Variants in PTBP3 observed in about 807,000 individuals in gnomAD.
The protein encoded by PTBP3 is polypyrimidine tract binding protein 3, also known as polypyrimidine tract-binding protein 3.
A neutral mutation model predicts 58.7 loss-of-function variants in PTBP3; 20 were observed. The observed-to-expected ratio is 0.34, with a 90% CI of 0.24 to 0.50. The LOEUF (loss-of-function observed/expected upper bound fraction) is 0.50. PTBP3 is among the 20% of genes least tolerant of loss of function. The pLI is 0.98. For missense variants in PTBP3, 509 were observed against 637.2 expected, an observed-to-expected ratio of 0.80 and a Z score of 2.17; for synonymous variants, 185 against 219.8, an observed-to-expected ratio of 0.84 and a Z score of 1.40.
intron 3 of PTBP3, among the ~76,000 whole-genome samples, chr9:112,268,476 C>T (rs543503373): frequency 1.3e-5 from 2 of 152,168 alleles, no homozygotes; most frequent in East Asian, 3.9e-4. Flanking sequence ...GGGAGGACTG[C>T]TTGAGCCCAG....
chr9:112,372,407 G>A, the PTBP3 span, among the ~76,000 whole-genome samples: 5 of 152,210 alleles, frequency 3.3e-5, no homozygotes, highest in African/African-American at 9.6e-5. Flanking sequence ...TTAAAAAAAC[G>A]AGGTGGAATT....
the PTBP3 span, among the ~76,000 whole-genome samples, chr9:112,377,466 T>C: frequency 6.6e-6 from 1 of 152,240 alleles, no homozygotes; most frequent in Non-Finnish European, 1.5e-5. Context: ...AAGATCATGC[T>C]GCTGAGGATC....
At chr9:112,291,093 G>A (rs1009081453) in intron 2 of PTBP3, among the ~76,000 whole-genome samples, 4 of 152,104 alleles carry the variant, frequency 2.6e-5, no homozygotes, top group Admixed American at 2.0e-4. Flanking sequence ...ATGGTGGCGG[G>A]CGCCTGTAGT....
intron 2 of PTBP3, among the ~76,000 whole-genome samples, chr9:112,277,933 TAACATAACATAATATAACATAAC>T (rs1564427560): frequency 0.02 from 1,995 of 97,708 alleles, 13 homozygotes; most frequent in African/African-American, 0.027. Context: ...TAACATAACA[TAACATAACATAATATAACATAAC>T]ATAACATAAC....
At chr9:112,269,948 CTTT>C (rs111363648) in intron 3 of PTBP3, among the ~76,000 whole-genome samples, 1 of 143,008 alleles carries the variant, frequency 7.0e-6, no homozygotes, top group African/African-American at 2.6e-5. Context: ...TCCAAATCTT[CTTT>C]TTTTTTTTTT....
At chr9:112,350,987 G>T in the PTBP3 span, among the ~76,000 whole-genome samples, 1 of 151,834 alleles carries the variant, frequency 6.6e-6, no homozygotes, top group African/African-American at 2.4e-5. Flanking sequence ...TTAGTACCAT[G>T]TTGGCCAGCC....
chr9:112,360,637 T>G, the PTBP3 span, among the ~76,000 whole-genome samples: 70 of 152,208 alleles, frequency 4.6e-4, no homozygotes, highest in Non-Finnish European at 8.7e-4. Flanking sequence ...GACCATCAAT[T>G]TGTAACATTA....
intron 1 of PTBP3, among the ~76,000 whole-genome samples, chr9:112,320,740 T>TAC (rs1273600261): frequency 2.0e-5 from 3 of 152,170 alleles, no homozygotes; most frequent in African/African-American, 7.2e-5. Flanking sequence ...CAGACCCACT[T>TAC]ACGTATGGTA....
chr9:112,277,883 T>TCTC (rs1158764696), intron 2 of PTBP3, among the ~76,000 whole-genome samples: 4 of 23,914 alleles, frequency 1.7e-4, no homozygotes, highest in East Asian at 8.0e-4. Context: ...CAAAATAACG[T>TCTC]AACATAACAT....
At chr9:112,258,549 T>C (rs2132113263) in intron 5 of PTBP3, among the ~76,000 whole-genome samples, 1 of 152,268 alleles carries the variant, frequency 6.6e-6, no homozygotes, top group African/African-American at 2.4e-5. Flanking sequence ...CCCAAATCTT[T>C]TTTTGTCTTT....
intron 4 of PTBP3, among the ~76,000 whole-genome samples, chr9:112,265,430 C>T (rs1293371916): frequency 1.0e-5 from 1 of 99,628 alleles, no homozygotes; most frequent in Non-Finnish European, 1.9e-5. Flanking sequence ...TTGAACCCGG[C>T]GGGCGGGGGG....
Position 112,268,101 on chromosome 9 carries a change from A to C in PTBP3, c.299T>G (p.Ile100Ser). Residue 100 changes from isoleucine to serine, a missense_variant, in exon 4 of 14, where the codon ATT becomes AGT. This residue lies in a region of PTBP3 where 212 missense variants were observed against 215.3 expected (regional missense o/e 0.98). Coordinates refer to ENST00000374257, the MANE Select transcript of PTBP3 (RefSeq NM_001163788.4). ...AAGTTCTCTGTGATTGGAATACTGA[A>C]TATAAACAGGCTGGCTTCGAAGGTG... Reference protein sequence around the residue: ...TPHLRSQPVYIQYSNHRELKT... With the variant: ...TPHLRSQPVYSQYSNHRELKT... The C allele has an allele frequency of 6.2e-7, 1 of 1,613,870 alleles. No individual in the cohort carries two copies. The highest frequency in any genetic ancestry group is 8.5e-7 in the Non-Finnish European group (1 of 1,179,792).
chr9:112,304,434 G>A (rs894559390), intron 1 of PTBP3, among the ~76,000 whole-genome samples: 2 of 152,114 alleles, frequency 1.3e-5, no homozygotes, highest in Non-Finnish European at 2.9e-5. Flanking sequence ...AATGTGAAAT[G>A]GCTGGATCAT....
chr9:112,318,892 C>T (rs1225400552), intron 1 of PTBP3, among the ~76,000 whole-genome samples: 2 of 152,100 alleles, frequency 1.3e-5, no homozygotes, highest in African/African-American at 4.8e-5. Flanking sequence ...CTTTGGGAGG[C>T]CAAGGCGGGC....
rs1368074644 is a variant in PTBP3, at chr9:112,232,168, C to T, written c.951G>A (p.Arg317=). The T allele has an allele frequency of 6.2e-7, 1 of 1,613,052 alleles. No homozygotes were observed. The highest frequency in any genetic ancestry group is 1.1e-5 in the South Asian group (1 of 91,044). Residue 317 remains arginine (R), a synonymous_variant, in exon 9 of 14, where the codon AGG becomes AGA. Transcript: ENST00000374257. ...TACCACTAGCCCCAGGAATGGCCAT[C>T]CTTCCAGTGACAGCAGAAGAGGTGA... ...LTITSSAVTG[R]MAIPGASGIP...
the PTBP3 span, among the ~76,000 whole-genome samples, chr9:112,367,541 G>A: frequency 6.6e-6 from 1 of 152,062 alleles, no homozygotes; most frequent in Non-Finnish European, 1.5e-5. Flanking sequence ...TTAGTTGGCA[G>A]GTATAGTATT....
chr9:112,220,209 G>A lies in PTBP3; in HGVS notation c.*3642C>T, dbSNP rs1157014848. On this transcript the variant is annotated 3_prime_UTR_variant, in exon 14 of 14. Transcript: ENST00000374257. ...CCAAAAATATCTCGTGGGAACAGAA[G>A]AGAAACTGCATGACAATATGCTAAA... The A allele has an allele frequency of 7.4e-7, 1 of 1,347,008 alleles. No individual in the cohort carries two copies. Among genetic ancestry groups the A allele is most frequent in the African/African-American group, 1.5e-5 (1 of 67,638 alleles). 83.4% of individuals were successfully genotyped at this position (1,347,008 alleles called of 1,614,324 possible).
At chr9:112,238,097 TC>T (rs1250559344) in intron 7 of PTBP3, among the ~76,000 whole-genome samples, 2 of 151,796 alleles carry the variant, frequency 1.3e-5, no homozygotes, top group Non-Finnish European at 2.9e-5. Flanking sequence ...GAATAACTCA[TC>T]CCCACCCTCC....
At chr9:112,317,404 A>G (rs1377283873) in intron 1 of PTBP3, among the ~76,000 whole-genome samples, 4 of 152,084 alleles carry the variant, frequency 2.6e-5, no homozygotes, top group African/African-American at 9.7e-5. Flanking sequence ...ACCCTGTCTA[A>G]AAGAAAGATA....
Sources: allele counts gnomAD v4.1 joint callset (sites outside exome capture counted in the v4.1 genomes callset), GRCh38; gene constraint gnomAD v4.1.1; regional missense constraint gnomAD v4.1.1; transcripts MANE v1.5; gene names NCBI Gene and HGNC (gene_info 2026-07-23, HGNC 2026-07-21).